ASXL2: variants seen among roughly 807,000 people sequenced by gnomAD.
The protein encoded by ASXL2 is ASXL transcriptional regulator 2.
ASXL2 carries 23 observed loss-of-function variants against 122.0 expected under a neutral mutation model. The ratio of observed to expected loss-of-function variants is 0.19; its 90% CI spans 0.14 to 0.27. ASXL2 has a LOEUF of 0.27. ASXL2 is among the 10% of genes least tolerant of loss of function. The probability of loss-of-function intolerance (pLI) is 1.00; values close to 1 mark genes in which losing one functional copy is unlikely to be tolerated. For missense variants in ASXL2, 1,518 were observed against 1,713.8 expected, an observed-to-expected ratio of 0.89 and a Z score of 2.02; for synonymous variants, 650 against 637.0, an observed-to-expected ratio of 1.02 and a Z score of -0.31.
At chr2:25,843,076 G>A (rs373352721) in intron 2 of ASXL2, among the ~76,000 whole-genome samples, 2 of 151,328 alleles carry the variant, frequency 1.3e-5, no homozygotes, top group African/African-American at 2.4e-5. Flanking sequence ...CAAGGCGGGC[G>A]GATCACAAGG....
At chr2:25,814,561 T>C (rs1306332466) in intron 3 of ASXL2, among the ~76,000 whole-genome samples, 1 of 152,134 alleles carries the variant, frequency 6.6e-6, no homozygotes, top group Non-Finnish European at 1.5e-5. Flanking sequence ...GCTCAAGAGA[T>C]TGGGGTTGAA....
intron 5 of ASXL2, among the ~76,000 whole-genome samples, chr2:25,787,618 C>T (rs1298909005): frequency 6.6e-6 from 1 of 151,982 alleles, no homozygotes; most frequent in Non-Finnish European, 1.5e-5. Context: ...ATCAGCAACA[C>T]ACAATTATAA....
At chr2:25,814,376 A>C (rs974531201) in intron 3 of ASXL2, among the ~76,000 whole-genome samples, 5 of 152,264 alleles carry the variant, frequency 3.3e-5, no homozygotes, top group African/African-American at 1.2e-4. Flanking sequence ...ACTTGAAGAA[A>C]TAAGACATCA....
chr2:25,869,061 A>G (rs895518692), intron 1 of ASXL2, among the ~76,000 whole-genome samples: 3 of 151,526 alleles, frequency 2.0e-5, no homozygotes, highest in Non-Finnish European at 4.4e-5. Flanking sequence ...GCTACTCGGG[A>G]GGCTGAGGCA....
intron 5 of ASXL2, among the ~76,000 whole-genome samples, chr2:25,792,642 G>A (rs879494383): frequency 4.6e-5 from 7 of 151,422 alleles, no homozygotes; most frequent in African/African-American, 7.3e-5. Context: ...TCACTTTGTC[G>A]CCCAGGCTAG....
chr2:25,840,664 C>G (rs557415628), intron 2 of ASXL2, among the ~76,000 whole-genome samples: 14 of 152,278 alleles, frequency 9.2e-5, no homozygotes, highest in Middle Eastern at 6.8e-3. Context: ...ATAATGTTTT[C>G]AAGGTTCATC....
intron 3 of ASXL2, among the ~76,000 whole-genome samples, chr2:25,815,681 G>A (rs2089224542): frequency 6.6e-6 from 1 of 152,148 alleles, no homozygotes; most frequent in Non-Finnish European, 1.5e-5. Flanking sequence ...TATGATGGAT[G>A]AGCCTACTGA....
intron 1 of ASXL2, among the ~76,000 whole-genome samples, chr2:25,850,364 T>G (rs530800397): frequency 6.6e-6 from 1 of 152,290 alleles, no homozygotes; most frequent in African/African-American, 2.4e-5. Flanking sequence ...AATCTATGGG[T>G]TTCTCTCACT....
rs372559324 is a variant in ASXL2, at chr2:25,816,237, C to CAAA, written c.144-9903_144-9901dup. The stretch of plus-strand genomic sequence containing the variant: ...TGTGCGACAAAGCGAGCCTCCATCT[C>CAAA]AAAAAAAAAAAAAAAGTTAATATTT... On this transcript the variant is annotated intron_variant, in intron 3 of 12. Coordinates refer to ENST00000435504, the MANE Select transcript of ASXL2 (RefSeq NM_018263.6). 4.6e-4 allele frequency among the ~76,000 whole-genome samples: 59 copies of CAAA among 126,998 alleles called. No individual in the cohort carries two copies. In the East Asian group the frequency reaches 7.6e-3, roughly 16 times the overall value. 83.3% of individuals were successfully genotyped at this position (126,998 alleles called of 152,430 possible).
At chr2:25,777,310 T>A (rs940526562) in intron 5 of ASXL2, among the ~76,000 whole-genome samples, 5 of 152,088 alleles carry the variant, frequency 3.3e-5, no homozygotes, top group African/African-American at 1.2e-4. Flanking sequence ...AGGCTTGTTC[T>A]AACTTTTAAA....
At chr2:25,759,996 G>C (rs1234260579) in intron 8 of ASXL2, among the ~76,000 whole-genome samples, 1 of 151,986 alleles carries the variant, frequency 6.6e-6, no homozygotes, top group African/African-American at 2.4e-5. Context: ...GAATGTCTAA[G>C]AAAGAAAACC....
rs1030508861 is a variant in ASXL2, at chr2:25,767,646, C to T, written c.712G>A (p.Val238Met). The T allele has an allele frequency of 4.3e-6, 7 of 1,613,958 alleles. No homozygotes were observed. Among genetic ancestry groups the T allele is most frequent in the Non-Finnish European group, 5.9e-6 (7 of 1,179,866 alleles). Residue 238 changes from valine to methionine, a missense_variant, in exon 8 of 13, where the codon GTG becomes ATG. Val to Met is a conservative substitution (Grantham distance 21). This residue lies in a region of ASXL2 where 198 missense variants were observed against 209.0 expected (regional missense o/e 0.95). Coordinates refer to ENST00000435504, the MANE Select transcript of ASXL2 (RefSeq NM_018263.6). ...CCCAAGCCTAGTAAAGTATTTTCCA[C>T]TTTAACTGAGGAAGAAAAGCTGGAG... ...SNSSFSSSVK[V>M]ENTLLGLGKK...
chr2:25,781,875 G>C (rs1177593802), intron 5 of ASXL2, among the ~76,000 whole-genome samples: 2 of 149,498 alleles, frequency 1.3e-5, no homozygotes, highest in Non-Finnish European at 3.0e-5. Context: ...TATCGGCCAG[G>C]CTGTTCTTGA....
At chr2:25,772,431 T>C (rs781667962) in intron 5 of ASXL2, among the ~76,000 whole-genome samples, 110 of 152,044 alleles carry the variant, frequency 7.2e-4, no homozygotes, top group Admixed American at 2.2e-3. Context: ...AGCTTTAAGA[T>C]GTCATAAAAG....
intron 1 of ASXL2, among the ~76,000 whole-genome samples, chr2:25,867,983 T>C (rs927178528): frequency 6.6e-6 from 1 of 152,208 alleles, no homozygotes; most frequent in Non-Finnish European, 1.5e-5. Context: ...CAACACAGAT[T>C]CATTTTATTT....
At chr2:25,783,926 T>C (rs964006627) in intron 5 of ASXL2, among the ~76,000 whole-genome samples, 3 of 152,038 alleles carry the variant, frequency 2.0e-5, no homozygotes, top group South Asian at 2.1e-4. Context: ...TGGTGGCACA[T>C]GCCTGTAATC....
intron 5 of ASXL2, among the ~76,000 whole-genome samples, chr2:25,772,414 G>T (rs1291169904): frequency 6.6e-6 from 1 of 152,044 alleles, no homozygotes; most frequent in Non-Finnish European, 1.5e-5. Context: ...CCATGGTAAG[G>T]GCAATAAGCT....
At chr2:25,826,762 T>TTAAA (rs376835935) in intron 3 of ASXL2, among the ~76,000 whole-genome samples, 3 of 68,088 alleles carry the variant, frequency 4.4e-5, no homozygotes, top group Non-Finnish European at 7.8e-5. Flanking sequence ...ACTTTCAAGG[T>TTAAA]AAAAAAAAAA....
chr2:25,806,105 A>C (rs954042342), intron 4 of ASXL2, 124 bp downstream of exon 4: 26 of 610,082 alleles, frequency 4.3e-5, no homozygotes, highest in African/African-American at 4.1e-4. Context: ...TAGAGGTTTC[A>C]AAATATTACC....
Sources: gnomAD v4.1 joint callset for allele counts (sites outside exome capture counted in the v4.1 genomes callset) on GRCh38, gnomAD v4.1.1 for gene constraint, gnomAD v4.1.1 regional missense constraint, MANE v1.5 for transcripts, NCBI Gene and HGNC (gene_info 2026-07-23, HGNC 2026-07-21) for gene names.